SLC25A27: variants seen among roughly 807,000 people sequenced by gnomAD.
SLC25A27 encodes the protein solute carrier family 25 member 27.
A neutral mutation model predicts 49.1 loss-of-function variants in SLC25A27; 35 were observed. That is an observed-to-expected ratio of 0.71 (90% CI 0.54 to 0.95). The LOEUF is 0.95. Ranked by LOEUF, SLC25A27 falls within the 40% of genes least tolerant of loss-of-function variation. The pLI is 0.00. For synonymous variants in SLC25A27, 144 were observed against 136.9 expected, an observed-to-expected ratio of 1.05 and a Z score of -0.36; for missense variants, 339 against 397.1, an observed-to-expected ratio of 0.85 and a Z score of 1.24.
rs1763271596 is a variant in SLC25A27 at position 46,664,812 on chromosome 6, CT to C, written c.546del (p.Glu183LysfsTer21). 6.8e-6 allele frequency: 11 copies of C among 1,609,306 alleles called. No individual in the cohort carries two copies. Among genetic ancestry groups the C allele is most frequent in the African/African-American group, 1.3e-5 (1 of 74,692 alleles). Reference protein sequence around the residue: ...GVHHAFAKILAEGGIRGLWAG... With the variant: ...GVHHAFAKILXEGGIRGLWAG... ...CATCATGCATTTGCAAAAATCTTAG[CT>C]GAAGGAGGAATACGAGGGCTTTGGG... On this transcript the variant is annotated frameshift_variant, in exon 5 of 9. Transcript: ENST00000371347. LOFTEE classifies it high-confidence loss of function.
At chr6:46,655,779 T>A in intron 1 of SLC25A27, 64 bp from the exon 2 acceptor site, 1 of 1,402,676 alleles carries the variant, frequency 7.1e-7, no homozygotes, top group Non-Finnish European at 1.0e-6. Context: ...ACTCCTATGA[T>A]TTTAGATTTT....
intron 3 of SLC25A27, among the ~76,000 whole-genome samples, chr6:46,661,703 C>G (rs1425245174): frequency 3.3e-5 from 5 of 152,194 alleles, no homozygotes; most frequent in African/African-American, 1.2e-4. Flanking sequence ...TTCAACTGCT[C>G]TATGCTTCAG....
At chr6:46,660,373 GA>G (rs1370361633) in intron 3 of SLC25A27, among the ~76,000 whole-genome samples, 3 of 151,942 alleles carry the variant, frequency 2.0e-5, no homozygotes, top group Non-Finnish European at 2.9e-5. Flanking sequence ...AATAATCAGG[GA>G]AATTAATTAA....
intron 8 of SLC25A27, among the ~76,000 whole-genome samples, chr6:46,674,647 C>T (rs139463518): frequency 6.6e-6 from 1 of 152,326 alleles, no homozygotes; most frequent in African/African-American, 2.4e-5. Context: ...CTCAGCTGAT[C>T]TCATTGACAC....
In SLC25A27 at chr6:46,676,683, C is replaced by A; in HGVS notation, c.*229C>A. ...GATCTCACAAGGCCATCCAATGAGA[C>A]CCCGCACAGCATTTTCTAAAGAAGA... On this transcript the variant is annotated 3_prime_UTR_variant, in exon 9 of 9. Coordinates refer to ENST00000371347, the MANE Select transcript of SLC25A27 (RefSeq NM_004277.5). 11 of 1,550,562 alleles carry A rather than the reference C, an allele frequency of 7.1e-6. No homozygotes were observed. The highest frequency in any genetic ancestry group is 4.9e-5 in the East Asian group (2 of 40,918).
In SLC25A27 at chr6:46,676,559, T is replaced by A. The variant is rs1763798687; in HGVS notation, c.*105T>A. ...ATTTCTACCTCTTTAGGAAGACACC[T>A]ATTCCACAGAGACTGATTTATAGGG... On this transcript the variant is annotated 3_prime_UTR_variant, in exon 9 of 9. Coordinates refer to ENST00000371347, the MANE Select transcript of SLC25A27 (RefSeq NM_004277.5). The A allele has an allele frequency of 3.1e-6, 5 of 1,598,062 alleles. No individual in the cohort carries two copies. Among genetic ancestry groups the A allele is most frequent in the Non-Finnish European group, 4.3e-6 (5 of 1,171,090 alleles).
intron 8 of SLC25A27, among the ~76,000 whole-genome samples, chr6:46,674,561 C>G (rs1352359691): frequency 6.6e-6 from 1 of 152,198 alleles, no homozygotes; most frequent in African/African-American, 2.4e-5. Context: ...TGACTTGCCA[C>G]AGTGCATGAC....
At chr6:46,665,259 T>C (rs924891026) in intron 5 of SLC25A27, among the ~76,000 whole-genome samples, 3 of 152,184 alleles carry the variant, frequency 2.0e-5, no homozygotes, top group Non-Finnish European at 4.4e-5. Context: ...GCAATCCTGC[T>C]CCTATTCCTA....
At chr6:46,664,264 A>G (rs917197102) in intron 4 of SLC25A27, among the ~76,000 whole-genome samples, 4 of 152,198 alleles carry the variant, frequency 2.6e-5, no homozygotes, top group African/African-American at 9.7e-5. Flanking sequence ...AGTCTACTAA[A>G]TTTTTTTGAA....
rs773585919 is a variant in SLC25A27, at chr6:46,655,535, G to GTTTTTTTTTTTTTTT, written c.107-284_107-270dup. On this transcript the variant is annotated intron_variant, in intron 1 of 8. Transcript: ENST00000371347. ...ATTTTAATTTTTATTGTTAATGTTT[G>GTTTTTTTTTTTTTTT]TTTTTTTTTTTTTTTTTTTTTTTTT... Among the ~76,000 whole-genome samples, 6 of 10,702 alleles carry GTTTTTTTTTTTTTTT rather than the reference G, an allele frequency of 5.6e-4. 1 individual carries two copies. The highest frequency in any genetic ancestry group is 1.0e-3 in the Non-Finnish European group (5 of 4,944). The allele number at this position is 10,702 out of a possible 152,430, so 7.0% of individuals were successfully genotyped here. A position where few individuals can be genotyped will look rare whatever the true frequency, so the allele number is the denominator to read the frequency against.
At position 46,653,143 on chromosome 6, in the gene SLC25A27, T is replaced by TGCAGC; in HGVS notation, c.-43_-39dup. ...CAGGGAAGCGGCCGCCGCGGCGCGG[T>TGCAGC]GCAGCGCAGCGGCGAGAAGGAGTGC... On this transcript the variant is annotated 5_prime_UTR_variant, in exon 1 of 9. Transcript: ENST00000371347. 2.0e-6 allele frequency: 3 copies of TGCAGC among 1,535,696 alleles called. No individual in the cohort carries two copies. The highest frequency in any genetic ancestry group is 1.1e-5 in the South Asian group (1 of 87,552).
At chr6:46,663,330 G>T (rs941279761) in intron 4 of SLC25A27, among the ~76,000 whole-genome samples, 8 of 152,098 alleles carry the variant, frequency 5.3e-5, no homozygotes, top group Non-Finnish European at 1.0e-4. Flanking sequence ...CATCTTCACC[G>T]CTGACCACTG....
chr6:46,654,875 A>G (rs952152887), intron 1 of SLC25A27, among the ~76,000 whole-genome samples: 3 of 152,214 alleles, frequency 2.0e-5, no homozygotes, highest in African/African-American at 7.2e-5. Flanking sequence ...GAAAAGGTAT[A>G]CTAAGGTTTT....
At chr6:46,668,292 C>A (rs923075029) in intron 5 of SLC25A27, among the ~76,000 whole-genome samples, 19 of 152,300 alleles carry the variant, frequency 1.2e-4, no homozygotes, top group African/African-American at 4.1e-4. Flanking sequence ...GAGCCGCGAT[C>A]ACGCCACTGC....
intron 2 of SLC25A27, among the ~76,000 whole-genome samples, chr6:46,657,976 G>A (rs1381356738): frequency 2.0e-5 from 3 of 152,204 alleles, no homozygotes; most frequent in African/African-American, 4.8e-5. Flanking sequence ...CACAAGAGGA[G>A]GACTTGATTT....
At chr6:46,658,817 G>A (rs774051789) in intron 2 of SLC25A27, 145 bp from the exon 3 acceptor site, 8 of 678,132 alleles carry the variant, frequency 1.2e-5, no homozygotes, top group African/African-American at 3.6e-5. Flanking sequence ...AGAAGCCCAC[G>A]TGTTAGAAGC....
chr6:46,671,059 C>T, intron 7 of SLC25A27, 67 bp from the exon 8 acceptor site: 2 of 1,110,740 alleles, frequency 1.8e-6, no homozygotes, highest in Non-Finnish European at 2.6e-6. Context: ...ATTCCTTAGA[C>T]AATTTTTATG....
intron 3 of SLC25A27, among the ~76,000 whole-genome samples, chr6:46,661,542 G>T (rs567517951): frequency 6.6e-6 from 1 of 152,206 alleles, no homozygotes; most frequent in African/African-American, 2.4e-5. Context: ...CTATGTTAGC[G>T]CTTTTACAAA....
intron 8 of SLC25A27, among the ~76,000 whole-genome samples, chr6:46,671,977 A>G (rs1432912186): frequency 6.6e-6 from 1 of 151,946 alleles, no homozygotes; most frequent in East Asian, 1.9e-4. Flanking sequence ...ATGTAATATT[A>G]TATGTATCTT....
Sources: gnomAD v4.1 joint callset for allele counts (sites outside exome capture counted in the v4.1 genomes callset) on GRCh38, gnomAD v4.1.1 for gene constraint, MANE v1.5 for transcripts, NCBI Gene and HGNC (gene_info 2026-07-23, HGNC 2026-07-21) for gene names.